FOCAD: variants seen among roughly 807,000 people sequenced by gnomAD.
FOCAD encodes the protein KIAA1797.
FOCAD carries 198 observed loss-of-function variants against 225.6 expected under a neutral mutation model. That is an observed-to-expected ratio of 0.88 (90% CI 0.78 to 0.99). FOCAD has a LOEUF of 0.99. Ranked by LOEUF, FOCAD falls within the 50% of genes least tolerant of loss-of-function variation. The pLI is 0.00. For synonymous variants in FOCAD, 897 were observed against 755.0 expected (o/e 1.19, Z -3.08); for missense variants, 2,713 against 2,123.6 (o/e 1.28, Z -5.46).
chr9:20,791,050 A>G (rs1357166659), intron 11 of FOCAD, among the ~76,000 whole-genome samples: 3 of 152,166 alleles, frequency 2.0e-5, no homozygotes, highest in East Asian at 1.9e-4. Flanking sequence ...CTTCTAACCA[A>G]TGTTTTCTTT....
chr9:20,937,878 C>T (rs201717077), intron 28 of FOCAD, among the ~76,000 whole-genome samples: 1 of 151,998 alleles, frequency 6.6e-6, no homozygotes, highest in Non-Finnish European at 1.5e-5. Context: ...CAAACAAATT[C>T]ACAAGAAAAA....
intron 21 of FOCAD, among the ~76,000 whole-genome samples, chr9:20,893,251 T>G (rs1831784223): frequency 6.6e-6 from 1 of 152,130 alleles, no homozygotes; most frequent in Non-Finnish European, 1.5e-5. Context: ...ATAATGCTGT[T>G]ACATAATAGA....
intron 15 of FOCAD, among the ~76,000 whole-genome samples, chr9:20,848,088 T>G (rs1197701238): frequency 6.6e-6 from 1 of 151,900 alleles, no homozygotes; most frequent in African/African-American, 2.4e-5. Flanking sequence ...AAAAAGGAGA[T>G]TAATAGGTGC....
At chr9:20,762,680 C>G (rs1035361521) in intron 6 of FOCAD, among the ~76,000 whole-genome samples, 13 of 152,072 alleles carry the variant, frequency 8.5e-5, no homozygotes, top group African/African-American at 3.1e-4. Context: ...AAAGAATTCC[C>G]TTTTATTTTA....
chr9:20,712,488 G>T lies in FOCAD; in HGVS notation c.-32-2834G>T, dbSNP rs1824936584. ...TAGCCTGGCCAACATGGTGAAACCTGTCTCTACTAAAAATACAAAAATTAG... is the reference window on the plus strand; with the variant it reads ...TAGCCTGGCCAACATGGTGAAACCTTTCTCTACTAAAAATACAAAAATTAG... On this transcript the variant is annotated intron_variant, in intron 1 of 43. Transcript: ENST00000338382. Among the ~76,000 whole-genome samples the T allele has an allele frequency of 2.7e-5, 4 of 150,540 alleles. No homozygotes were observed. In the South Asian group the frequency reaches 8.6e-4, roughly 32 times the overall value.
rs1012489726 is a variant in FOCAD, at chr9:20,995,736, G to A, written c.*107G>A. 9 of 968,662 alleles carry A rather than the reference G, an allele frequency of 9.3e-6. No homozygotes were observed. Among genetic ancestry groups the A allele is most frequent in the Non-Finnish European group, 1.1e-5 (7 of 631,450 alleles). 60.0% of individuals were successfully genotyped at this position (968,662 alleles called of 1,614,324 possible). The stretch of plus-strand genomic sequence containing the variant: ...TGGTATTGCTGAGACATGATGCAGA[G>A]AGTTAAGGGTCATGAAAAGATGGCC... On this transcript the variant is annotated 3_prime_UTR_variant, in exon 44 of 44. Coordinates refer to ENST00000338382, the MANE Select transcript of FOCAD (RefSeq NM_001375567.1).
At chr9:20,881,031 TA>T (rs1270544849) in intron 19 of FOCAD, among the ~76,000 whole-genome samples, 1 of 152,202 alleles carries the variant, frequency 6.6e-6, no homozygotes, top group Non-Finnish European at 1.5e-5. Context: ...TGTCAAATGA[TA>T]AAGATCTTGG....
At chr9:20,942,447 G>A (rs1299586379) in intron 28 of FOCAD, among the ~76,000 whole-genome samples, 2 of 152,174 alleles carry the variant, frequency 1.3e-5, no homozygotes, top group African/African-American at 2.4e-5. Flanking sequence ...TTTTCCAGAT[G>A]AGCCCAATAT....
rs769343536 is a variant in FOCAD at position 20,770,184 on chromosome 9, T to G, written c.852T>G (p.Gly284=). 6.2e-7 allele frequency: 1 copy of G among 1,614,068 alleles called. No individual in the cohort carries two copies. Among genetic ancestry groups the G allele is most frequent in the Non-Finnish European group, 8.5e-7 (1 of 1,179,994 alleles). Residue 284 remains glycine (G), a synonymous_variant, in exon 8 of 44, where the codon GGT becomes GGG. Coordinates refer to ENST00000338382, the MANE Select transcript of FOCAD (RefSeq NM_001375567.1). ...GTGAAGTCAGCTTAAAGATAACTGG[T>G]GAATGTTCATCTTCAATTCACCTTT... ...CVSEVSLKIT[G]ECSSSIHLLE... is the part of the protein sequence containing the mutation.
intron 28 of FOCAD, among the ~76,000 whole-genome samples, chr9:20,938,555 A>T (rs1836258315): frequency 6.8e-6 from 1 of 146,644 alleles, no homozygotes; most frequent in Admixed American, 6.8e-5. Context: ...CAGGAAGCGG[A>T]ACATCACACA....
intron 22 of FOCAD, among the ~76,000 whole-genome samples, chr9:20,912,432 A>T (rs1833514777): frequency 6.6e-6 from 1 of 152,070 alleles, no homozygotes; most frequent in Admixed American, 6.6e-5. Flanking sequence ...ATCTTACCGG[A>T]ATCTTAAGTG....
chr9:20,790,514 G>A (rs10811401), intron 11 of FOCAD, among the ~76,000 whole-genome samples: 12,907 of 152,278 alleles, frequency 0.085, 849 homozygotes, highest in East Asian at 0.24. Flanking sequence ...ACTTACGCCT[G>A]TAATCCCAGC....
At chr9:20,700,150 T>A (rs905918543) in intron 1 of FOCAD, among the ~76,000 whole-genome samples, 9 of 151,888 alleles carry the variant, frequency 5.9e-5, no homozygotes, top group Admixed American at 3.9e-4. Flanking sequence ...CTTTTTTTTT[T>A]AAAGAAATTA....
At chr9:20,830,571 G>T (rs1378452196) in intron 15 of FOCAD, among the ~76,000 whole-genome samples, 5 of 152,050 alleles carry the variant, frequency 3.3e-5, no homozygotes, top group Non-Finnish European at 7.4e-5. Flanking sequence ...TTGCTAGAAA[G>T]ATTTTTGATG....
At chr9:20,852,423 C>T (rs1037468807) in intron 15 of FOCAD, among the ~76,000 whole-genome samples, 1 of 149,768 alleles carries the variant, frequency 6.7e-6, no homozygotes, top group Non-Finnish European at 1.5e-5. Context: ...ATTGTTTATC[C>T]ATGAAGAATT....
intron 43 of FOCAD, 130 bp downstream of exon 43, chr9:20,993,458 G>T: frequency 1.3e-6 from 1 of 742,302 alleles, no homozygotes; most frequent in Non-Finnish European, 2.2e-6. Context: ...GAGGTGTTTT[G>T]GATTTTGGAT....
At chr9:20,975,906 A>G (rs776482083) in intron 35 of FOCAD, among the ~76,000 whole-genome samples, 14 of 152,220 alleles carry the variant, frequency 9.2e-5, no homozygotes, top group Admixed American at 2.0e-4. Context: ...GAGGTTAGGA[A>G]GAGAAGGAGG....
chr9:20,687,702 T>G (rs946359828), intron 1 of FOCAD, among the ~76,000 whole-genome samples: 1 of 152,230 alleles, frequency 6.6e-6, no homozygotes, highest in East Asian at 1.9e-4. Flanking sequence ...GTATTCATTA[T>G]TTTTTATTTA....
chr9:20,978,310 TTC>T (rs1204197454), intron 36 of FOCAD, 27 bp from the exon 37 acceptor site: 1 of 1,458,808 alleles, frequency 6.9e-7, no homozygotes, highest in South Asian at 1.2e-5. Flanking sequence ...TAACTATATA[TTC>T]AATTCTTTTC....
Sources: allele counts gnomAD v4.1 joint callset (sites outside exome capture counted in the v4.1 genomes callset), GRCh38; gene constraint gnomAD v4.1.1; transcripts MANE v1.5; gene names NCBI Gene and HGNC (gene_info 2026-07-23, HGNC 2026-07-21).